Variants in HOOK2 observed in about 807,000 individuals in gnomAD.
HOOK2 encodes hook microtubule tethering protein 2, also known as protein Hook homolog 2.
In HOOK2, 108 loss-of-function variants were observed where a neutral mutation model predicts 111.9. The observed-to-expected ratio is 0.96, with a 90% confidence interval of 0.83 to 1.13. The LOEUF is 1.13. Among genes scored for constraint, HOOK2 ranks in the 50% most tolerant of loss-of-function variants. The pLI is 0.00. For synonymous variants in HOOK2, 405 were observed against 394.3 expected (o/e 1.03, Z -0.32); for missense variants, 978 against 951.3 (o/e 1.03, Z -0.37).
Position 12,774,878 on chromosome 19 carries a change from G to C in HOOK2, c.65C>G (p.Pro22Arg), listed in dbSNP as rs1249680411. The C allele has an allele frequency of 6.2e-7, 1 of 1,613,982 alleles. No homozygotes were observed. Among genetic ancestry groups the C allele is most frequent in the Middle Eastern group, 1.6e-4 (1 of 6,062 alleles). The change falls in exon 2 of 23, where the codon CCG becomes CGG. Residue 22 changes from proline (P) to arginine (R), a missense_variant. Coordinates refer to ENST00000397668, the MANE Select transcript of HOOK2 (RefSeq NM_013312.3). ...GTCCTGAGGGCTGGCACAGGGAGAC[G>C]GAACGTGGAACGTCTGTAACTGAGG... Reference protein sequence around the residue: ...LLTWLQTFHVPSPCASPQDLS... With the variant: ...LLTWLQTFHVRSPCASPQDLS...
At position 12,771,326 on chromosome 19, in the gene HOOK2, G is replaced by C; in HGVS notation, c.601-7C>G. 6.2e-7 allele frequency: 1 copy of C among 1,604,726 alleles called. No individual in the cohort carries two copies. Among genetic ancestry groups the C allele is most frequent in the Non-Finnish European group, 8.5e-7 (1 of 1,175,246 alleles). On this transcript the variant is annotated splice_region_variant and splice_polypyrimidine_tract_variant and intron_variant, in intron 8 of 22. Transcript: ENST00000397668. ...CCTCTGACAGGAGCATCAGCTGCGGGCAGGGCAGAAAGATGAGCTTGGGCT... is the reference window on the plus strand; with the variant it reads ...CCTCTGACAGGAGCATCAGCTGCGGCCAGGGCAGAAAGATGAGCTTGGGCT...
rs1968477078 is a variant in HOOK2 at position 12,775,530 on chromosome 19, A to T, written c.-81T>A. On this transcript the variant is annotated 5_prime_UTR_variant, in exon 1 of 23. Transcript: ENST00000397668. ...GGGTCCGCCACCAGCGAGCGCCCGC[A>T]GCCCCGACCTCCCGCTCGGCCTAGA... The T allele has an allele frequency of 1.3e-6, 2 of 1,481,902 alleles. No individual in the cohort carries two copies. Among genetic ancestry groups the T allele is most frequent in the Non-Finnish European group, 1.8e-6 (2 of 1,102,556 alleles). 91.8% of individuals were successfully genotyped at this position (1,481,902 alleles called of 1,614,324 possible).
rs962020445 is a variant in HOOK2, at chr19:12,790,579, C to G, written n.42-16354G>C. Among the ~76,000 whole-genome samples the G allele has an allele frequency of 6.6e-6, 1 of 152,150 alleles. No homozygotes were observed. The highest frequency in any genetic ancestry group is 1.5e-5 in the Non-Finnish European group (1 of 68,016). ...GTCCTGGTGCGCGGGACCCTCAAGGCCCCCTCCTCACATGTCAACTGAGTA... is the reference window on the plus strand; with the variant it reads ...GTCCTGGTGCGCGGGACCCTCAAGGGCCCCTCCTCACATGTCAACTGAGTA... On this transcript the variant is annotated intron_variant and non_coding_transcript_variant, in intron 3 of 3. Transcript: ENST00000589765. This position sits in a 1 kb window ranked among gnomAD's most constrained non-coding sequence, Gnocchi z 7.2.
At position 12,775,391 on chromosome 19, in the gene HOOK2, G is replaced by A; in HGVS notation, c.45+14C>T. Reference sequence around the variant, plus strand: ...CGGGCGCTCACCTTCCCCTAGCCCCGCCCCACGACCTACCCAGGTGAGCAG... The same window carrying A: ...CGGGCGCTCACCTTCCCCTAGCCCCACCCCACGACCTACCCAGGTGAGCAG... On this transcript the variant is annotated intron_variant, in intron 1 of 22. Coordinates refer to ENST00000397668, the MANE Select transcript of HOOK2 (RefSeq NM_013312.3). The A allele has an allele frequency of 6.2e-7, 1 of 1,611,100 alleles. No individual in the cohort carries two copies. Among genetic ancestry groups the A allele is most frequent in the Non-Finnish European group, 8.5e-7 (1 of 1,179,014 alleles).
Position 12,763,691 on chromosome 19 carries a change from C to T in HOOK2, c.1915G>A (p.Asp639Asn), listed in dbSNP as rs1968064364. 2 of 1,614,238 alleles carry T rather than the reference C, an allele frequency of 1.2e-6. No homozygotes were observed. Among genetic ancestry groups the T allele is most frequent in the Non-Finnish European group, 8.5e-7 (1 of 1,180,040 alleles). Residue 639 changes from aspartate (D) to asparagine (N), a missense_variant, in exon 21 of 23, where the codon GAT becomes AAT. Transcript: ENST00000397668. Reference sequence around the variant, plus strand: ...ACCTCCAGGTGTCGGATGCGGACATCCCGTTCTCGGAGCTGTGTCCTCAGG... The same window carrying T: ...ACCTCCAGGTGTCGGATGCGGACATTCCGTTCTCGGAGCTGTGTCCTCAGG... ...HSLRTQLRER[D>N]VRIRHLEMDF...
chr19:12,774,622 G>A, intron 3 of HOOK2, 47 bp downstream of exon 3: 1 of 1,592,060 alleles, frequency 6.3e-7, no homozygotes, highest in Non-Finnish European at 8.6e-7. Flanking sequence ...CCCGTCCCTG[G>A]TCATCTCTTC....
At chr19:12,763,490 C>T in intron 22 of HOOK2, 38 bp downstream of exon 22, 1 of 1,614,084 alleles carries the variant, frequency 6.2e-7, no homozygotes, top group Non-Finnish European at 8.5e-7. Context: ...CACCAATATT[C>T]TACCCATGAG....
chr19:12,767,859 C>A lies in HOOK2; in HGVS notation c.1260G>T (p.Glu420Asp), dbSNP rs372705754. The A allele has an allele frequency of 2.5e-6, 4 of 1,607,268 alleles. No homozygotes were observed. The Admixed American group carries it at 6.7e-5, about 27-fold the overall frequency. Residue 420 changes from glutamate (E) to aspartate (D), a missense_variant, in exon 13 of 23, where the codon GAG becomes GAT. Glu to Asp is a conservative substitution (Grantham distance 45, BLOSUM62 2). Transcript: ENST00000397668. ...ERDSLREANEELRCAQLQPRG... is the reference protein window; with the variant it reads ...ERDSLREANEDLRCAQLQPRG... ...GCGGCTGCAGCTGGGCGCAGCGCAG[C>A]TCCTCATTGGCCTCCCGCAAGGAGT...
At chr19:12,784,767 C>A (rs530639948) in intron 3 of HOOK2, 1 of 152,418 alleles carries the variant, frequency 6.6e-6, no homozygotes, top group South Asian at 2.1e-4. Flanking sequence ...CAGATCCTGA[C>A]ACGCAAGAGA....
upstream of HOOK2, chr19:12,775,731 G>C (rs1437256699): frequency 1.5e-5 from 5 of 342,522 alleles, no homozygotes; most frequent in African/African-American, 1.1e-4. Flanking sequence ...GCCCAGCCTT[G>C]TGCATCCGAG....
upstream of HOOK2, among the ~76,000 whole-genome samples, chr19:12,782,523 G>A (rs1968613472): frequency 6.6e-6 from 1 of 152,222 alleles, no homozygotes; most frequent in African/African-American, 2.4e-5. Flanking sequence ...CGCCCTCCCC[G>A]CGTTGCGGGG....
chr19:12,782,550 T>C (rs1968613901), upstream of HOOK2, among the ~76,000 whole-genome samples: 1 of 152,126 alleles, frequency 6.6e-6, no homozygotes, highest in African/African-American at 2.4e-5. Context: ...GCGTCGTGCG[T>C]GACGTGAGAC....
chr19:12,777,509 C>T (rs930187376), upstream of HOOK2, among the ~76,000 whole-genome samples: 1 of 152,184 alleles, frequency 6.6e-6, no homozygotes, highest in African/African-American at 2.4e-5. Flanking sequence ...TGGATCCTCC[C>T]TGCATTATTG....
In HOOK2 at chr19:12,786,509, C is replaced by T. The variant is rs1372027391; in HGVS notation, n.42-12284G>A. 6.6e-6 allele frequency among the ~76,000 whole-genome samples: 1 copy of T among 152,124 alleles called. No homozygotes were observed. The highest frequency in any genetic ancestry group is 2.4e-5 in the African/African-American group (1 of 41,436). ...GGCCCTGGGGCACTGGGGAAGCCTG[C>T]GCAGGGACTTCTTAGCCAGGTGCTG... is the stretch of plus-strand genomic sequence containing the variant. On this transcript the variant is annotated intron_variant and non_coding_transcript_variant, in intron 3 of 3. Transcript: ENST00000589765. The surrounding 1 kb of genome is among the most constrained non-coding windows in gnomAD (Gnocchi z 4.3).
Position 12,772,824 on chromosome 19 carries a change from A to G in HOOK2, c.344T>C (p.Leu115Pro). ...GATGGCACAGCCCAGCACCAGCTGA[A>G]GCAGCTTGCCGAGCTCTGCCGGGTC... ...FSDPAELGKL[L>P]QLVLGCAISC... The change falls in exon 5 of 23, where the codon CTT becomes CCT. Residue 115 changes from leucine to proline, a missense_variant. Transcript: ENST00000397668. The G allele has an allele frequency of 6.2e-7, 1 of 1,614,220 alleles. No individual in the cohort carries two copies. Among genetic ancestry groups the G allele is most frequent in the Non-Finnish European group, 8.5e-7 (1 of 1,180,038 alleles).
intron 7 of HOOK2, chr19:12,771,797 G>T (rs1159310697): frequency 2.7e-6 from 1 of 374,398 alleles, no homozygotes; most frequent in Admixed American, 3.9e-5. Flanking sequence ...CAGGAGAATC[G>T]CTTGAACCCG....
chr19:12,777,013 C>T (rs1385264968), upstream of HOOK2, among the ~76,000 whole-genome samples: 7 of 150,878 alleles, frequency 4.6e-5, no homozygotes, highest in Non-Finnish European at 1.0e-4. Flanking sequence ...AAAAATTAGC[C>T]GGGCATGGTG....
Position 12,788,331 on chromosome 19 carries a change from G to A in HOOK2, n.42-14106C>T, listed in dbSNP as rs1048115910. ...TTTTGCTGGATTGTTGGAAGCAGTC[G>A]ATGACTTATTTTATGTTAACCACTT... On this transcript the variant is annotated intron_variant and non_coding_transcript_variant, in intron 3 of 3. Coordinates refer to the HOOK2 transcript ENST00000589765. 6.6e-5 allele frequency among the ~76,000 whole-genome samples: 10 copies of A among 152,130 alleles called. 1 individual carries two copies. The South Asian group carries it at 8.3e-4, about 13-fold the overall frequency.
At chr19:12,792,179 C>T (rs760047183) in intron 3 of HOOK2, 2 of 1,586,710 alleles carry the variant, frequency 1.3e-6, no homozygotes, top group South Asian at 2.3e-5. Flanking sequence ...AGGGCTTCGC[C>T]GACGGCTTTG....
Sources: allele counts gnomAD v4.1 joint callset (sites outside exome capture counted in the v4.1 genomes callset), GRCh38; gene constraint gnomAD v4.1.1; non-coding constraint Gnocchi (gnomAD v3.1); transcripts MANE v1.5; gene names NCBI Gene and HGNC (gene_info 2026-07-23, HGNC 2026-07-21).